Variants in VWDE observed in about 807,000 individuals in gnomAD.
The protein encoded by VWDE is von Willebrand factor D and EGF domains.
In VWDE, 207 loss-of-function variants were observed where a neutral mutation model predicts 178.4. The ratio of observed to expected loss-of-function variants is 1.16; its 90% CI spans 1.04 to 1.30. VWDE has a LOEUF of 1.30. VWDE is among the 50% of genes most tolerant of loss of function. The probability of loss-of-function intolerance (pLI) is 0.00; values close to 1 mark genes in which losing one functional copy is unlikely to be tolerated. For synonymous variants in VWDE, 738 were observed against 651.4 expected, an observed-to-expected ratio of 1.13 and a Z score of -2.02; for missense variants, 2,287 against 1,901.3, an observed-to-expected ratio of 1.20 and a Z score of -3.77.
intron 3 of VWDE, among the ~76,000 whole-genome samples, chr7:12,386,678 C>T (rs952130426): frequency 1.3e-5 from 2 of 152,204 alleles, no homozygotes; most frequent in African/African-American, 2.4e-5. Flanking sequence ...ACCTCCAGCT[C>T]TCAGCATCAG....
intron 7 of VWDE, chr7:12,377,529 A>T: frequency 3.6e-6 from 1 of 280,412 alleles, no homozygotes; most frequent in South Asian, 1.6e-4. Flanking sequence ...GATGATGACG[A>T]AGAGGAGATT....
chr7:12,391,807 T>C (rs1297436474), intron 2 of VWDE, among the ~76,000 whole-genome samples: 2 of 152,126 alleles, frequency 1.3e-5, no homozygotes, highest in African/African-American at 4.8e-5. Context: ...AAAATGTGAA[T>C]AACAATAAGG....
intron 6 of VWDE, among the ~76,000 whole-genome samples, chr7:12,378,283 C>T (rs752080187): frequency 5.9e-5 from 9 of 152,224 alleles, no homozygotes; most frequent in Non-Finnish European, 8.8e-5. Flanking sequence ...GACACACCAA[C>T]AGAAGACTCT....
intron 1 of VWDE, among the ~76,000 whole-genome samples, chr7:12,397,341 T>C (rs924002664): frequency 1.3e-4 from 20 of 152,166 alleles, no homozygotes; most frequent in African/African-American, 4.6e-4. Context: ...ATTCAATAAA[T>C]GGTCCTTGGA....
chr7:12,403,272 T>A (rs1784997266), intron 1 of VWDE, among the ~76,000 whole-genome samples: 2 of 151,876 alleles, frequency 1.3e-5, no homozygotes, highest in African/African-American at 4.8e-5. Flanking sequence ...TCGTGCAGTA[T>A]GGAATTCAAC....
At chr7:12,342,207 T>C in intron 22 of VWDE, 53 bp from the exon 23 acceptor site, 1 of 1,445,344 alleles carries the variant, frequency 6.9e-7, no homozygotes, top group Middle Eastern at 1.7e-4. Context: ...GTAGTCATAT[T>C]GTTGGTTATT....
intron 19 of VWDE, among the ~76,000 whole-genome samples, chr7:12,350,459 G>A (rs1192393233): frequency 6.6e-6 from 1 of 151,972 alleles, no homozygotes; most frequent in Admixed American, 6.6e-5. Context: ...TTTAAAACTA[G>A]GAATTCTGAA....
At chr7:12,393,224 C>A (rs1784466987) in intron 2 of VWDE, among the ~76,000 whole-genome samples, 1 of 152,112 alleles carries the variant, frequency 6.6e-6, no homozygotes, top group South Asian at 2.1e-4. Flanking sequence ...AGCACCTGAG[C>A]CCTGGAGAAC....
At position 12,351,567 on chromosome 7, in the gene VWDE, A is replaced by G. The variant is rs547211261; in HGVS notation, c.3886+6T>C. ...TCATTAGATTTTAACTATGACCATT[A>G]CTTACTGAAGGCATTTCCACTTGTT... On this transcript the variant is annotated splice_donor_region_variant and intron_variant, in intron 19 of 28. Transcript: ENST00000275358. The G allele has an allele frequency of 1.0e-4, 158 of 1,544,500 alleles. No individual in the cohort carries two copies. Among genetic ancestry groups the G allele is most frequent in the Non-Finnish European group, 1.3e-4 (147 of 1,144,542 alleles).
chr7:12,376,042 C>G (rs1783509525), intron 7 of VWDE, among the ~76,000 whole-genome samples: 1 of 151,956 alleles, frequency 6.6e-6, no homozygotes, highest in African/African-American at 2.4e-5. Context: ...TTCTTTTCTT[C>G]CATACAGATT....
In VWDE at chr7:12,393,689, C is replaced by G. The variant is rs1307264707; in HGVS notation, c.148G>C (p.Val50Leu). Residue 50 changes from valine to leucine, a missense_variant, in exon 2 of 29, where the codon GTT becomes CTT. Coordinates refer to ENST00000275358, the MANE Select transcript of VWDE (RefSeq NM_001135924.3). The stretch of plus-strand genomic sequence containing the variant: ...GAATGGTCACATATTAGGTCTTGAA[C>G]AGCTGACTGCTGGAGGTGCCATGAG... ...FDSWHLQQSA[V>L]QDLICDHSLS... 3 of 1,551,220 alleles carry G rather than the reference C, an allele frequency of 1.9e-6. No individual in the cohort carries two copies. In the East Asian group the frequency reaches 7.3e-5, roughly 38 times the overall value.
rs905986093 is a variant in VWDE, at chr7:12,374,673, A to T, written c.1316+16T>A. 3 of 1,506,262 alleles carry T rather than the reference A, an allele frequency of 2.0e-6. No individual in the cohort carries two copies. In the African/African-American group the frequency reaches 4.2e-5, roughly 21 times the overall value. The allele number at this position is 1,506,262 out of a possible 1,614,324, so 93.3% of individuals were successfully genotyped here. On this transcript the variant is annotated intron_variant, in intron 9 of 28. Transcript: ENST00000275358. ...GCAAACAAAACTACTAAAAGAAGAAACTTTCAGAAAATTACCTGCCATCAA... is the reference window on the plus strand; with the variant it reads ...GCAAACAAAACTACTAAAAGAAGAATCTTTCAGAAAATTACCTGCCATCAA...
At chr7:12,344,320 AT>A in intron 20 of VWDE, 30 bp from the exon 21 acceptor site, 1 of 1,550,294 alleles carries the variant, frequency 6.5e-7, no homozygotes, top group Non-Finnish European at 8.7e-7. Flanking sequence ...AGTTTTAGAC[AT>A]ATCAATTACC....
chr7:12,337,130 G>C lies in VWDE; in HGVS notation c.4462+47C>G, dbSNP rs558931797. Reference sequence around the variant, plus strand: ...GTCAGCCCTTAAATTCAACAGTTTTGTCTTGGCTTTAGCTGTAGTTGACAA... The same window carrying C: ...GTCAGCCCTTAAATTCAACAGTTTTCTCTTGGCTTTAGCTGTAGTTGACAA... On this transcript the variant is annotated intron_variant, in intron 25 of 28. Coordinates refer to ENST00000275358, the MANE Select transcript of VWDE (RefSeq NM_001135924.3). The C allele has an allele frequency of 1.1e-5, 17 of 1,551,200 alleles. 1 individual carries two copies. In the South Asian group the frequency reaches 1.9e-4, roughly 17 times the overall value.
At chr7:12,385,015 C>T (rs954850233) in intron 3 of VWDE, among the ~76,000 whole-genome samples, 2 of 152,052 alleles carry the variant, frequency 1.3e-5, no homozygotes, top group African/African-American at 2.4e-5. Flanking sequence ...AAAAATATAA[C>T]ACATATTCAT....
intron 9 of VWDE, among the ~76,000 whole-genome samples, 175 bp from the exon 10 acceptor site, chr7:12,373,422 TC>T (rs1204471781): frequency 3.9e-5 from 6 of 152,074 alleles, no homozygotes; most frequent in Non-Finnish European, 8.8e-5. Flanking sequence ...CTTTCACCAC[TC>T]CAGTCAAGCT....
Position 12,343,143 on chromosome 7 carries a change from A to C in VWDE, c.4114T>G (p.Cys1372Gly). 2 of 1,549,830 alleles carry C rather than the reference A, an allele frequency of 1.3e-6. No individual in the cohort carries two copies. The highest frequency in any genetic ancestry group is 2.0e-5 in the Admixed American group (1 of 50,928). ...CNPPCQHGGT[C>G]LAGNLCTCPY... ...CAAGTGCAGAGATTCCCAGCCAAGCATGTGCCACCATGTTGACAAGGTGGG... is the reference window on the plus strand; with the variant it reads ...CAAGTGCAGAGATTCCCAGCCAAGCCTGTGCCACCATGTTGACAAGGTGGG... The change falls in exon 22 of 29, where the codon TGC (cysteine) becomes GGC (glycine). Residue 1372 changes from cysteine to glycine, a missense_variant. Coordinates refer to ENST00000275358, the MANE Select transcript of VWDE (RefSeq NM_001135924.3).
chr7:12,392,724 G>A lies in VWDE; in HGVS notation c.243+870C>T, dbSNP rs556715441. Reference sequence around the variant, plus strand: ...GAAATAAGAATGAAAGAAGCCACTTGGGCTAGTTCACTATACAAGACAATG... The same window carrying A: ...GAAATAAGAATGAAAGAAGCCACTTAGGCTAGTTCACTATACAAGACAATG... On this transcript the variant is annotated intron_variant, in intron 2 of 28. Coordinates refer to ENST00000275358, the MANE Select transcript of VWDE (RefSeq NM_001135924.3). Among the ~76,000 whole-genome samples the A allele has an allele frequency of 2.6e-5, 4 of 151,718 alleles. No homozygotes were observed. In the South Asian group the frequency reaches 6.2e-4, roughly 24 times the overall value.
chr7:12,403,635 C>T, intron 1 of VWDE, 24 bp downstream of exon 1: 1 of 1,533,370 alleles, frequency 6.5e-7, no homozygotes, highest in Non-Finnish European at 8.8e-7. Context: ...GCGCGCCCAC[C>T]CCCGCGCGCC....
Sources: allele counts gnomAD v4.1 joint callset (sites outside exome capture counted in the v4.1 genomes callset), GRCh38; gene constraint gnomAD v4.1.1; transcripts MANE v1.5; gene names NCBI Gene and HGNC (gene_info 2026-07-23, HGNC 2026-07-21).